The following GIPC2 variants were observed in gnomAD, a reference collection of about 807,000 sequenced individuals.
The protein encoded by GIPC2 is GIPC PDZ domain containing family member 2.
GIPC2 carries 30 observed loss-of-function variants against 30.6 expected under a neutral mutation model. The ratio of observed to expected loss-of-function variants is 0.98; its 90% CI spans 0.73 to 1.33. The LOEUF (loss-of-function observed/expected upper bound fraction) is 1.33. Ranked by LOEUF, GIPC2 falls within the 40% of genes most tolerant of loss-of-function variation. GIPC2 has a pLI of 0.00. For missense variants in GIPC2, 414 were observed against 390.3 expected, an observed-to-expected ratio of 1.06 and a Z score of -0.51; for synonymous variants, 167 against 150.0, an observed-to-expected ratio of 1.11 and a Z score of -0.83.
intron 1 of GIPC2, among the ~76,000 whole-genome samples, chr1:78,077,483 A>C (rs1435563246): frequency 1.3e-5 from 2 of 152,196 alleles, no homozygotes; most frequent in African/African-American, 4.8e-5. Context: ...TAAAGCAACA[A>C]ATACAGATTA....
chr1:78,073,874 T>C (rs1231083887), intron 1 of GIPC2, among the ~76,000 whole-genome samples: 1 of 152,232 alleles, frequency 6.6e-6, no homozygotes, highest in Non-Finnish European at 1.5e-5. Context: ...AATGGCTCTG[T>C]GCGATAGTTC....
At chr1:78,091,982 C>G (rs1662050136) in intron 2 of GIPC2, 1 of 1,332,160 alleles carries the variant, frequency 7.5e-7, no homozygotes, top group African/African-American at 1.4e-5. Flanking sequence ...GAACTTCAAC[C>G]CCACAGTGAA....
intron 1 of GIPC2, among the ~76,000 whole-genome samples, chr1:78,066,865 G>A (rs949937882): frequency 6.6e-6 from 1 of 152,172 alleles, no homozygotes; most frequent in Non-Finnish European, 1.5e-5. Context: ...AGAAGCAACA[G>A]ACACTGGGGC....
At chr1:78,094,151 G>A (rs34124390) in intron 2 of GIPC2, among the ~76,000 whole-genome samples, 495 of 152,282 alleles carry the variant, frequency 3.3e-3, no homozygotes, top group Non-Finnish European at 6.1e-3. Flanking sequence ...GGTATCAGGC[G>A]TCTTAGCTAA....
At chr1:78,085,017 G>T (rs138257985) in intron 2 of GIPC2, among the ~76,000 whole-genome samples, 3 of 152,300 alleles carry the variant, frequency 2.0e-5, no homozygotes, top group African/African-American at 7.2e-5. Context: ...TCTTGTGCTG[G>T]TTTTCAAGGG....
intron 3 of GIPC2, among the ~76,000 whole-genome samples, chr1:78,116,144 G>C (rs937415565): frequency 1.6e-4 from 24 of 152,188 alleles, no homozygotes; most frequent in African/African-American, 5.1e-4. Flanking sequence ...AGACGAAAGA[G>C]AGCATGCAAG....
chr1:78,086,468 T>C (rs954392722), intron 2 of GIPC2, among the ~76,000 whole-genome samples: 2 of 152,210 alleles, frequency 1.3e-5, no homozygotes, highest in African/African-American at 4.8e-5. Flanking sequence ...GTTCAGGTCC[T>C]GAATATCTTT....
chr1:78,046,545 C>T lies in GIPC2; in HGVS notation c.240+211C>T, dbSNP rs191111075. ...TGGCAGGACCGCAGAAAGTCACAGT[C>T]CCCCTTGCTCCGAGATCTGGCCTTT... On this transcript the variant is annotated intron_variant, in intron 1 of 5. Transcript: ENST00000370759. 7.9e-5 allele frequency among the ~76,000 whole-genome samples: 12 copies of T among 152,302 alleles called. No individual in the cohort carries two copies. In the East Asian group the frequency reaches 2.1e-3, roughly 27 times the overall value.
chr1:78,095,373 T>A (rs867237345), intron 3 of GIPC2, among the ~76,000 whole-genome samples: 3 of 152,174 alleles, frequency 2.0e-5, no homozygotes, highest in African/African-American at 7.2e-5. Flanking sequence ...AATTACAAAG[T>A]CTAATGTCTA....
At chr1:78,071,152 T>G (rs896397650) in intron 1 of GIPC2, among the ~76,000 whole-genome samples, 1 of 152,208 alleles carries the variant, frequency 6.6e-6, no homozygotes, top group Admixed American at 6.5e-5. Flanking sequence ...ATTTTAAAAC[T>G]AATCCTAGAA....
At chr1:78,105,373 G>A (rs180732865) in intron 3 of GIPC2, among the ~76,000 whole-genome samples, 2 of 149,858 alleles carry the variant, frequency 1.3e-5, no homozygotes, top group Admixed American at 6.7e-5. Context: ...TGCAACCTCC[G>A]CCTCCTGGGT....
chr1:78,091,613 G>C, intron 2 of GIPC2: 1 of 767,012 alleles, frequency 1.3e-6, no homozygotes, highest in Non-Finnish European at 2.4e-6. Flanking sequence ...TGCGTTCGTC[G>C]TGTCTGCCAT....
At chr1:78,056,369 T>C (rs1661297266) in intron 1 of GIPC2, among the ~76,000 whole-genome samples, 1 of 152,072 alleles carries the variant, frequency 6.6e-6, no homozygotes, top group South Asian at 2.1e-4. Flanking sequence ...TCCCACCTAC[T>C]CGGGAGGCTG....
intron 3 of GIPC2, among the ~76,000 whole-genome samples, chr1:78,095,344 A>G (rs1386915973): frequency 6.6e-6 from 1 of 152,212 alleles, no homozygotes; most frequent in East Asian, 1.9e-4. Flanking sequence ...TTGTAAAAGG[A>G]CATTTTCCAA....
At chr1:78,063,177 T>A (rs1011411953) in intron 1 of GIPC2, among the ~76,000 whole-genome samples, 5 of 152,202 alleles carry the variant, frequency 3.3e-5, no homozygotes, top group African/African-American at 1.2e-4. Context: ...TGGATTTTAA[T>A]ATCCAAGTAT....
chr1:78,057,224 C>T (rs192220272), intron 1 of GIPC2, among the ~76,000 whole-genome samples: 4 of 152,266 alleles, frequency 2.6e-5, no homozygotes, highest in African/African-American at 7.2e-5. Flanking sequence ...AAAAGTCTCT[C>T]CTATGTTTTT....
At chr1:78,120,635 C>T (rs920627575) in intron 4 of GIPC2, among the ~76,000 whole-genome samples, 21 of 152,268 alleles carry the variant, frequency 1.4e-4, no homozygotes, top group Non-Finnish European at 1.5e-5. Context: ...GGAGGCCTCA[C>T]AATCATGGTG....
At chr1:78,069,070 A>G in intron 1 of GIPC2, 1 of 985,306 alleles carries the variant, frequency 1.0e-6, no homozygotes, top group Non-Finnish European at 1.2e-6. Context: ...GAGTTGGAAG[A>G]AACTGCTTGG....
chr1:78,104,992 C>T (rs561726710), intron 3 of GIPC2, among the ~76,000 whole-genome samples: 38 of 152,188 alleles, frequency 2.5e-4, no homozygotes, highest in African/African-American at 8.7e-4. Context: ...CACAAAGATA[C>T]TATGGGAGAA....
Sources: allele counts gnomAD v4.1 joint callset (sites outside exome capture counted in the v4.1 genomes callset), GRCh38; gene constraint gnomAD v4.1.1; transcripts MANE v1.5; gene names NCBI Gene and HGNC (gene_info 2026-07-23, HGNC 2026-07-21).